Variants in SYNJ2 observed in about 807,000 individuals in gnomAD.
SYNJ2 encodes synaptojanin 2.
In SYNJ2, 116 loss-of-function variants were observed where a neutral mutation model predicts 141.3. That is an observed-to-expected ratio of 0.82 (90% CI 0.71 to 0.96). The LOEUF is 0.96. Ranked by LOEUF, SYNJ2 falls within the 40% of genes least tolerant of loss-of-function variation. The probability of loss-of-function intolerance (pLI) is 0.00; values close to 1 mark genes in which losing one functional copy is unlikely to be tolerated. For synonymous variants in SYNJ2, 745 were observed against 777.7 expected, an observed-to-expected ratio of 0.96 and a Z score of 0.70; for missense variants, 1,873 against 1,934.8, an observed-to-expected ratio of 0.97 and a Z score of 0.60.
intron 2 of SYNJ2, 115 bp downstream of exon 2, chr6:158,017,405 C>CTTTT (rs34667973): frequency 5.8e-4 from 347 of 600,140 alleles, no homozygotes; most frequent in South Asian, 2.2e-3. Flanking sequence ...TCTCTCTCTT[C>CTTTT]TTTTTTTTTT....
chr6:157,984,680 A>T (rs9459030), intron 1 of SYNJ2, among the ~76,000 whole-genome samples: 3 of 152,226 alleles, frequency 2.0e-5, no homozygotes, highest in Admixed American at 6.5e-5. Flanking sequence ...CTAGGATTAC[A>T]GGCGTGAGCC....
intron 2 of SYNJ2, among the ~76,000 whole-genome samples, chr6:158,022,958 C>A (rs963049868): frequency 6.6e-6 from 1 of 152,148 alleles, no homozygotes; most frequent in African/African-American, 2.4e-5. Context: ...TCCTTAAAAC[C>A]CATAGTACAG....
intron 12 of SYNJ2, chr6:158,068,098 A>G (rs1346076603): frequency 1.3e-5 from 6 of 456,060 alleles, no homozygotes; most frequent in African/African-American, 6.6e-5. Context: ...TGTGGTTACT[A>G]TTGCCAAGCA....
intron 7 of SYNJ2, chr6:158,059,556 CTTTTTTTT>C: frequency 5.1e-6 from 6 of 1,178,638 alleles, no homozygotes; most frequent in Non-Finnish European, 6.4e-6. Flanking sequence ...AATTTCTTTT[CTTTTTTTT>C]TTTTTTTAAG....
At chr6:158,064,170 CA>C (rs1781409870) in intron 9 of SYNJ2, among the ~76,000 whole-genome samples, 1 of 152,192 alleles carries the variant, frequency 6.6e-6, no homozygotes, top group Admixed American at 6.5e-5. Context: ...GTGGATGCAC[CA>C]TTGGCCAAAG....
intron 1 of SYNJ2, among the ~76,000 whole-genome samples, chr6:158,014,854 T>C (rs1778390356): frequency 6.6e-6 from 1 of 152,166 alleles, no homozygotes; most frequent in Admixed American, 6.5e-5. Context: ...CAGCACCCAC[T>C]CCTGGGGGGC....
chr6:158,066,467 A>G lies in SYNJ2; in HGVS notation c.1549A>G (p.Met517Val). 6.2e-7 allele frequency: 1 copy of G among 1,614,164 alleles called. No homozygotes were observed. The highest frequency in any genetic ancestry group is 8.5e-7 in the Non-Finnish European group (1 of 1,180,038). Reference sequence around the variant, plus strand: ...AGTGACTCCCAGGATCCTGAAAGCTATGACTGAGCGTCAGTCCGAATTCAC... The same window carrying G: ...AGTGACTCCCAGGATCCTGAAAGCTGTGACTGAGCGTCAGTCCGAATTCAC... ...LLVTPRILKA[M>V]TERQSEFTNF... Residue 517 changes from methionine (M) to valine (V), a missense_variant, in exon 12 of 27, where the codon ATG (methionine) becomes GTG (valine). By Grantham distance (21) the Met-to-Val change is conservative (BLOSUM62 1). Transcript: ENST00000355585.
chr6:158,048,540 ACT>A (rs1462958311), intron 5 of SYNJ2, among the ~76,000 whole-genome samples: 1 of 152,054 alleles, frequency 6.6e-6, no homozygotes, highest in African/African-American at 2.4e-5. Context: ...TGCACAGAAG[ACT>A]CTGCTGGGGA....
chr6:158,061,767 C>G (rs1056800237), intron 7 of SYNJ2, among the ~76,000 whole-genome samples: 2 of 152,212 alleles, frequency 1.3e-5, no homozygotes, highest in African/African-American at 4.8e-5. Flanking sequence ...GGACCTTCTG[C>G]CCTTTCGCAG....
chr6:158,046,660 G>T (rs1780251290), intron 5 of SYNJ2, among the ~76,000 whole-genome samples: 1 of 152,176 alleles, frequency 6.6e-6, no homozygotes, highest in Non-Finnish European at 1.5e-5. Context: ...GGATTTGTCT[G>T]CATGTTTTCC....
At chr6:158,053,416 C>T (rs1455353946) in intron 5 of SYNJ2, among the ~76,000 whole-genome samples, 1 of 152,170 alleles carries the variant, frequency 6.6e-6, no homozygotes, top group East Asian at 1.9e-4. Context: ...TTTACTATGA[C>T]AGTTGTAAAA....
chr6:158,081,110 C>A lies in SYNJ2; in HGVS notation c.2569C>A (p.Pro857Thr). The A allele has an allele frequency of 6.2e-7, 1 of 1,613,762 alleles. No individual in the cohort carries two copies. Among genetic ancestry groups the A allele is most frequent in the East Asian group, 2.2e-5 (1 of 44,888 alleles). Reference protein sequence around the residue: ...RAELQASDHRPVLAIVEVEVQ... With the variant: ...RAELQASDHRTVLAIVEVEVQ... ...ATCCCTCTTTTGTTCCTAACGCAGA[C>A]CTGTGCTGGCGATCGTGGAGGTGGA... Residue 857 changes from proline (P) to threonine (T), a missense_variant and splice_region_variant, in exon 19 of 27, where the codon CCT (proline) becomes ACT (threonine). Transcript: ENST00000355585.
At chr6:158,057,559 A>G (rs951489147) in intron 6 of SYNJ2, among the ~76,000 whole-genome samples, 29 of 152,232 alleles carry the variant, frequency 1.9e-4, no homozygotes, top group Admixed American at 5.9e-4. Context: ...GAAGGGATGA[A>G]TCATTTGATC....
At chr6:158,083,364 T>C (rs1444053082) in intron 20 of SYNJ2, 65 bp from the exon 21 acceptor site, 26 of 1,566,986 alleles carry the variant, frequency 1.7e-5, no homozygotes, top group Non-Finnish European at 2.3e-5. Context: ...GTGAGAAGCA[T>C]TGTGTGATCA....
chr6:157,986,586 A>C (rs1445912191), intron 1 of SYNJ2, among the ~76,000 whole-genome samples: 4 of 151,914 alleles, frequency 2.6e-5, no homozygotes, highest in Non-Finnish European at 5.9e-5. Flanking sequence ...CGCCCACCTC[A>C]GCCTCTCAAA....
At chr6:158,059,012 A>G (rs963030371) in intron 6 of SYNJ2, among the ~76,000 whole-genome samples, 2 of 152,248 alleles carry the variant, frequency 1.3e-5, no homozygotes, top group Non-Finnish European at 2.9e-5. Flanking sequence ...AGTGCAGCAT[A>G]TCCTTTGTCT....
chr6:158,035,981 A>G (rs548139399), intron 4 of SYNJ2, among the ~76,000 whole-genome samples: 1 of 151,504 alleles, frequency 6.6e-6, no homozygotes, highest in Admixed American at 6.5e-5. Context: ...AAAAAAAAAA[A>G]CATTAAAAAC....
intron 3 of SYNJ2, among the ~76,000 whole-genome samples, chr6:158,033,141 T>C (rs1283073258): frequency 6.6e-6 from 1 of 152,232 alleles, no homozygotes; most frequent in Non-Finnish European, 1.5e-5. Context: ...CCCCGAAAAG[T>C]GCACGCTGGC....
intron 3 of SYNJ2, among the ~76,000 whole-genome samples, chr6:158,032,713 C>T (rs1451791162): frequency 6.6e-6 from 1 of 152,182 alleles, no homozygotes; most frequent in Non-Finnish European, 1.5e-5. Context: ...TGATACCTTT[C>T]ACATAGGGTC....
Sources: allele counts gnomAD v4.1 joint callset (sites outside exome capture counted in the v4.1 genomes callset), GRCh38; gene constraint gnomAD v4.1.1; transcripts MANE v1.5; gene names NCBI Gene and HGNC (gene_info 2026-07-23, HGNC 2026-07-21).